JADE2: variants seen among roughly 807,000 people sequenced by gnomAD.
JADE2 encodes E3 ubiquitin-protein ligase Jade-2.
In JADE2, 13 loss-of-function variants were observed where a neutral mutation model predicts 85.7. The observed-to-expected ratio is 0.15, with a 90% CI of 0.10 to 0.24. The LOEUF (loss-of-function observed/expected upper bound fraction) is 0.24, where lower values mean the gene tolerates loss of function less well. Among genes scored for constraint, JADE2 ranks in the 10% least tolerant of loss-of-function variants. The pLI is 1.00. For missense variants in JADE2, 846 were observed against 1,115.9 expected, an observed-to-expected ratio of 0.76 and a Z score of 3.45; for synonymous variants, 440 against 456.1, an observed-to-expected ratio of 0.96 and a Z score of 0.45.
chr5:134,527,081 C>G (rs148427517), intron 1 of JADE2, among the ~76,000 whole-genome samples: 1 of 152,182 alleles, frequency 6.6e-6, no homozygotes, highest in Non-Finnish European at 1.5e-5. Flanking sequence ...GGGACGCACA[C>G]ACCTGACTCT....
chr5:134,542,858 G>A (rs576588794), intron 3 of JADE2, among the ~76,000 whole-genome samples: 3 of 151,264 alleles, frequency 2.0e-5, no homozygotes, highest in South Asian at 2.1e-4. Context: ...TCAGCCTCCC[G>A]AATAGCTGGG....
intron 3 of JADE2, among the ~76,000 whole-genome samples, chr5:134,547,165 G>GA (rs1217149016): frequency 1.3e-5 from 2 of 152,192 alleles, no homozygotes; most frequent in African/African-American, 4.8e-5. Context: ...TGCAGTCTCA[G>GA]AAAAAGACGT....
intron 3 of JADE2, among the ~76,000 whole-genome samples, chr5:134,547,970 G>A (rs1040719582): frequency 1.3e-5 from 2 of 152,216 alleles, no homozygotes; most frequent in African/African-American, 2.4e-5. Context: ...CCTTCCTAGA[G>A]CAGATGTGGG....
In JADE2 at chr5:134,525,899, C is replaced by T; in HGVS notation, c.-113C>T. ...CCCCGGATGGATGCGCGCCCCCCGC[C>T]CTCCCGCGCCGGCCCCAGGAGCTCC... On this transcript the variant is annotated 5_prime_UTR_variant, in exon 1 of 12. Transcript: ENST00000681547. 2.0e-6 allele frequency: 2 copies of T among 985,890 alleles called. No individual in the cohort carries two copies. Among genetic ancestry groups the T allele is most frequent in the Non-Finnish European group, 2.4e-6 (2 of 830,420 alleles). 61.1% of individuals were successfully genotyped at this position (985,890 alleles called of 1,614,324 possible).
At chr5:134,571,350 C>CAG (rs1469558130) in intron 9 of JADE2, among the ~76,000 whole-genome samples, 2 of 152,258 alleles carry the variant, frequency 1.3e-5, no homozygotes, top group Admixed American at 6.5e-5. Context: ...CAATCCCGTA[C>CAG]AGAAGCCACT....
At chr5:134,542,987 G>C (rs559095123) in intron 3 of JADE2, among the ~76,000 whole-genome samples, 1 of 151,402 alleles carries the variant, frequency 6.6e-6, no homozygotes, top group African/African-American at 2.4e-5. Flanking sequence ...CCTGCCTCAG[G>C]AAGTGCTGGG....
At chr5:134,553,222 C>G (rs1020015654) in intron 4 of JADE2, among the ~76,000 whole-genome samples, 1 of 152,144 alleles carries the variant, frequency 6.6e-6, no homozygotes, top group Non-Finnish European at 1.5e-5. Flanking sequence ...CCTCCTGCCT[C>G]AGCCTCCCAA....
At chr5:134,545,902 G>C (rs1217793345) in intron 3 of JADE2, among the ~76,000 whole-genome samples, 1 of 152,176 alleles carries the variant, frequency 6.6e-6, no homozygotes, top group Non-Finnish European at 1.5e-5. Flanking sequence ...ACCACTTCCA[G>C]CTCTACGTTG....
intron 2 of JADE2, among the ~76,000 whole-genome samples, chr5:134,537,149 A>G (rs1761644873): frequency 6.6e-6 from 1 of 152,210 alleles, no homozygotes; most frequent in East Asian, 1.9e-4. Flanking sequence ...TATTGCAGGC[A>G]GAGGAGCCCT....
chr5:134,532,816 A>G (rs1761329156), intron 1 of JADE2, among the ~76,000 whole-genome samples: 1 of 152,192 alleles, frequency 6.6e-6, no homozygotes, highest in Non-Finnish European at 1.5e-5. Context: ...GTGCGGTCCC[A>G]GGCCTCATTA....
chr5:134,526,861 C>A, intron 1 of JADE2: 1 of 733,100 alleles, frequency 1.4e-6, no homozygotes, highest in Non-Finnish European at 1.7e-6. Flanking sequence ...GGGAGAGGCG[C>A]TGGGAGAGTG....
chr5:134,528,002 G>C (rs1760979205), intron 1 of JADE2, among the ~76,000 whole-genome samples: 1 of 152,142 alleles, frequency 6.6e-6, no homozygotes. Context: ...GGGGGTCATC[G>C]AGAGGTGTCA....
intron 1 of JADE2, chr5:134,533,736 C>CTTTTTT (rs70976536): frequency 3.5e-5 from 4 of 112,766 alleles, no homozygotes; most frequent in Non-Finnish European, 6.8e-5. Context: ...CACACTCTCT[C>CTTTTTT]TTTTTTTTTT....
intron 3 of JADE2, among the ~76,000 whole-genome samples, chr5:134,550,525 C>T (rs928954709): frequency 1.3e-5 from 2 of 152,224 alleles, no homozygotes; most frequent in African/African-American, 2.4e-5. Flanking sequence ...AGTTTGGTCT[C>T]AGGCCTGGAG....
At position 134,578,953 on chromosome 5, in the gene JADE2, CT is replaced by C. The variant is rs1266862863; in HGVS notation, c.2142del (p.Glu715LysfsTer17). 1 of 1,613,262 alleles carries C rather than the reference CT, an allele frequency of 6.2e-7. No homozygotes were observed. The highest frequency in any genetic ancestry group is 1.7e-5 in the Admixed American group (1 of 60,018). The stretch of plus-strand genomic sequence containing the variant: ...GGGGACTGTCCCATCCTAGCCACCC[CT>C]GAAAGCCCCCCGCCACTGGCCCCTG... ...AAGDCPILAT[P>X]ESPPPLAPET... On this transcript the variant is annotated frameshift_variant, in exon 12 of 12. Transcript: ENST00000681547. LOFTEE classifies it high-confidence loss of function. The surrounding 1 kb of genome is among the most constrained non-coding windows in gnomAD (Gnocchi z 4.4).
chr5:134,547,239 T>TA, intron 3 of JADE2, among the ~76,000 whole-genome samples: 1 of 152,326 alleles, frequency 6.6e-6, no homozygotes, highest in South Asian at 2.1e-4. Context: ...AGCAGACTCT[T>TA]TAGCCCCCTC....
intron 1 of JADE2, among the ~76,000 whole-genome samples, chr5:134,533,772 G>A: frequency 7.4e-6 from 1 of 134,486 alleles, no homozygotes; most frequent in Admixed American, 7.7e-5. Flanking sequence ...TTTGAGATAA[G>A]GTCTTACTCT....
At chr5:134,561,214 C>T (rs554491656) in intron 6 of JADE2, among the ~76,000 whole-genome samples, 1 of 152,348 alleles carries the variant, frequency 6.6e-6, no homozygotes, top group Admixed American at 6.5e-5. Flanking sequence ...CACCTTGTGC[C>T]CTGTCCCTGC....
Position 134,578,814 on chromosome 5 carries a change from G to A in JADE2, c.2002G>A (p.Ala668Thr). Residue 668 changes from alanine (A) to threonine (T), a missense_variant, in exon 12 of 12, where the codon GCC becomes ACC. Ala to Thr is a moderately conservative substitution (Grantham distance 58). Transcript: ENST00000681547. This position sits in a 1 kb window ranked among gnomAD's most constrained non-coding sequence, Gnocchi z 4.4. ...TGGTTCACGGACGACTCCAGACAAA[G>A]CCCCCAAGAAGACCTGGGGCCAGGA... Reference protein sequence around the residue: ...GPGSRTTPDKAPKKTWGQDAG... With the variant: ...GPGSRTTPDKTPKKTWGQDAG... 1 of 1,613,772 alleles carries A rather than the reference G, an allele frequency of 6.2e-7. No homozygotes were observed. Among genetic ancestry groups the A allele is most frequent in the Non-Finnish European group, 8.5e-7 (1 of 1,180,014 alleles).
Sources: gnomAD v4.1 joint callset for allele counts (sites outside exome capture counted in the v4.1 genomes callset) on GRCh38, gnomAD v4.1.1 for gene constraint, Gnocchi (gnomAD v3.1) non-coding constraint, MANE v1.5 for transcripts, NCBI Gene and HGNC (gene_info 2026-07-23, HGNC 2026-07-21) for gene names.